PTPRD: variants seen among roughly 807,000 people sequenced by gnomAD.
PTPRD encodes receptor-type tyrosine-protein phosphatase delta.
PTPRD carries 34 observed loss-of-function variants against 214.5 expected under a neutral mutation model. That is an observed-to-expected ratio of 0.16 (90% CI 0.12 to 0.21). PTPRD has a LOEUF of 0.21. Ranked by LOEUF, PTPRD falls within the 10% of genes least tolerant of loss-of-function variation. The pLI, the probability that PTPRD is intolerant of heterozygous loss-of-function variation, is 1.00. For missense variants in PTPRD, 2,545 were observed against 2,398.7 expected (o/e 1.06, Z -1.27); for synonymous variants, 1,128 against 845.7 (o/e 1.33, Z -5.79).
chr9:8,804,101 T>G (rs2096626312), intron 11 of PTPRD, among the ~76,000 whole-genome samples: 1 of 151,876 alleles, frequency 6.6e-6, no homozygotes, highest in Non-Finnish European at 1.5e-5. Flanking sequence ...TAGAGGGGTG[T>G]GCTACCATGC....
At chr9:9,424,783 TA>T (rs1246008809) in intron 8 of PTPRD, among the ~76,000 whole-genome samples, 2 of 152,178 alleles carry the variant, frequency 1.3e-5, no homozygotes, top group Non-Finnish European at 2.9e-5. Flanking sequence ...GTCAATATTT[TA>T]AAATTGCACT....
intron 36 of PTPRD, among the ~76,000 whole-genome samples, chr9:8,392,753 C>G (rs1029732292): frequency 6.6e-6 from 1 of 152,136 alleles, no homozygotes; most frequent in African/African-American, 2.4e-5. Context: ...TAAGTTCTCT[C>G]TCACAGATCC....
At chr9:9,279,019 T>C (rs1946690791) in intron 9 of PTPRD, among the ~76,000 whole-genome samples, 1 of 151,200 alleles carries the variant, frequency 6.6e-6, no homozygotes, top group African/African-American at 2.4e-5. Context: ...GAAAACTATA[T>C]ATTAATTTAT....
intron 5 of PTPRD, among the ~76,000 whole-genome samples, chr9:9,856,035 G>A (rs916155832): frequency 1.3e-5 from 2 of 152,194 alleles, no homozygotes. Context: ...AATGGTAAAT[G>A]CAGGGGATTT....
chr9:10,217,579 G>C (rs10958950), intron 3 of PTPRD, among the ~76,000 whole-genome samples: 5,491 of 152,008 alleles, frequency 0.036, 524 homozygotes, highest in Admixed American at 0.21. Flanking sequence ...GCCACCACCA[G>C]TATATCTCAG....
intron 12 of PTPRD, among the ~76,000 whole-genome samples, chr9:8,697,998 T>C (rs1565367348): frequency 6.6e-6 from 1 of 152,196 alleles, no homozygotes; most frequent in Non-Finnish European, 1.5e-5. Context: ...GAAAGTGTCA[T>C]TCACAGTCCT....
chr9:10,328,079 A>T (rs556149314), intron 3 of PTPRD, among the ~76,000 whole-genome samples: 5 of 151,066 alleles, frequency 3.3e-5, no homozygotes, highest in Non-Finnish European at 7.4e-5. Context: ...AAACAACACT[A>T]AACAAACAAA....
At chr9:9,174,452 C>A (rs2099923371) in intron 10 of PTPRD, among the ~76,000 whole-genome samples, 1 of 152,134 alleles carries the variant, frequency 6.6e-6, no homozygotes, top group Non-Finnish European at 1.5e-5. Context: ...CCTATTGGCT[C>A]AAATATAACC....
At chr9:10,036,647 C>G (rs747635460) in intron 3 of PTPRD, among the ~76,000 whole-genome samples, 1 of 151,858 alleles carries the variant, frequency 6.6e-6, no homozygotes, top group Middle Eastern at 3.2e-3. Flanking sequence ...TGCAGTGGTG[C>G]AATCTCGGCT....
At chr9:9,984,231 A>G (rs1312378204) in intron 4 of PTPRD, among the ~76,000 whole-genome samples, 2 of 152,176 alleles carry the variant, frequency 1.3e-5, no homozygotes, top group African/African-American at 2.4e-5. Context: ...AAGAAACCAC[A>G]CAGTGATTTT....
chr9:9,317,313 A>G (rs1963788206), intron 9 of PTPRD, among the ~76,000 whole-genome samples: 1 of 152,194 alleles, frequency 6.6e-6, no homozygotes, highest in Admixed American at 6.5e-5. Context: ...CATTCATTCA[A>G]CCACCTGCTA....
At chr9:10,079,488 G>T (rs780929257) in intron 3 of PTPRD, among the ~76,000 whole-genome samples, 2 of 152,020 alleles carry the variant, frequency 1.3e-5, no homozygotes, top group Non-Finnish European at 2.9e-5. Flanking sequence ...CCAGAATCAA[G>T]ACCCTTTGTT....
At chr9:9,731,598 A>G (rs1313086777) in intron 7 of PTPRD, among the ~76,000 whole-genome samples, 2 of 152,010 alleles carry the variant, frequency 1.3e-5, no homozygotes, top group Non-Finnish European at 2.9e-5. Context: ...TCCTAATGCT[A>G]TCCTTCCCCC....
At chr9:8,327,777 G>C (rs12351877) in intron 44 of PTPRD, among the ~76,000 whole-genome samples, 2,341 of 149,936 alleles carry the variant, frequency 0.016, 52 homozygotes, top group African/African-American at 0.052. Context: ...ATTGACCTCT[G>C]TACGTAATGC....
chr9:10,510,273 A>T (rs989322448), intron 2 of PTPRD, among the ~76,000 whole-genome samples: 2 of 151,936 alleles, frequency 1.3e-5, no homozygotes, highest in Non-Finnish European at 2.9e-5. Flanking sequence ...CACAGCCTGC[A>T]CTCCATGTAC....
chr9:8,885,120 T>C lies in PTPRD; in HGVS notation c.-104+133577A>G, dbSNP rs78001156. 3.7e-3 allele frequency among the ~76,000 whole-genome samples: 564 copies of C among 152,270 alleles called. 6 individuals are homozygous for C. The highest frequency in any genetic ancestry group is 0.025 in the East Asian group (131 of 5,182). ...GCCTGTGCTCTGAGAGGAAACAGAA[T>C]AGGAAATGTGAATGAGATTGATAAT... is the stretch of plus-strand genomic sequence containing the variant. On this transcript the variant is annotated intron_variant, in intron 11 of 45. Transcript: ENST00000381196.
Position 10,273,808 on chromosome 9 carries a change from T to C in PTPRD, c.-545+67155A>G, listed in dbSNP as rs1166974394. Among the ~76,000 whole-genome samples, 3 of 152,134 alleles carry C rather than the reference T, an allele frequency of 2.0e-5. No homozygotes were observed. The South Asian group carries it at 6.2e-4, about 32-fold the overall frequency. On this transcript the variant is annotated intron_variant, in intron 3 of 45. Coordinates refer to ENST00000381196, the MANE Select transcript of PTPRD (RefSeq NM_002839.4). Reference sequence around the variant, plus strand: ...TCAGGTAGTAGCATACCATAAAGGTTAAAACACAATGGCCTTGCTTATATC... The same window carrying C: ...TCAGGTAGTAGCATACCATAAAGGTCAAAACACAATGGCCTTGCTTATATC...
intron 3 of PTPRD, among the ~76,000 whole-genome samples, chr9:10,185,187 G>C (rs564079663): frequency 6.6e-6 from 1 of 152,174 alleles, no homozygotes; most frequent in South Asian, 2.1e-4. Flanking sequence ...TTCTATATGA[G>C]GTCCCAGCTG....
chr9:9,621,359 C>A (rs1357556975), intron 7 of PTPRD, among the ~76,000 whole-genome samples: 1 of 152,174 alleles, frequency 6.6e-6, no homozygotes, highest in Non-Finnish European at 1.5e-5. Context: ...CAATGACTTT[C>A]CACATCCCTC....
Sources: allele counts gnomAD v4.1 joint callset (sites outside exome capture counted in the v4.1 genomes callset), GRCh38; gene constraint gnomAD v4.1.1; transcripts MANE v1.5; gene names NCBI Gene and HGNC (gene_info 2026-07-23, HGNC 2026-07-21).